The following MRTFA variants were observed in gnomAD, a reference collection of about 807,000 sequenced individuals.
MRTFA encodes the protein myocardin-related transcription factor A.
MRTFA carries 20 observed loss-of-function variants against 83.5 expected under a neutral mutation model. That is an observed-to-expected ratio of 0.24 (90% CI 0.17 to 0.35). The LOEUF (loss-of-function observed/expected upper bound fraction) is 0.35. Among genes scored for constraint, MRTFA ranks in the 10% least tolerant of loss-of-function variants. MRTFA has a pLI of 1.00. For missense variants in MRTFA, 1,200 were observed against 1,224.7 expected (o/e 0.98, Z 0.30); for synonymous variants, 659 against 541.2 (o/e 1.22, Z -3.02).
intron 1 of MRTFA, among the ~76,000 whole-genome samples, chr22:40,636,246 GCCCGCC>G (rs1569363235): frequency 6.6e-6 from 1 of 152,110 alleles, no homozygotes; most frequent in Non-Finnish European, 1.5e-5. Flanking sequence ...GCACGACCGC[GCCCGCC>G]CGCCCGGCCC....
chr22:40,422,783 A>G (rs555152527), intron 9 of MRTFA, among the ~76,000 whole-genome samples: 1 of 152,354 alleles, frequency 6.6e-6, no homozygotes, highest in South Asian at 2.1e-4. Flanking sequence ...CAGACAGCCC[A>G]GGCTGCAGAC....
intron 2 of MRTFA, among the ~76,000 whole-genome samples, chr22:40,591,069 A>T (rs1414798379): frequency 6.6e-6 from 1 of 152,160 alleles, no homozygotes; most frequent in Non-Finnish European, 1.5e-5. Context: ...TGGGAGGTGG[A>T]GGCTGCAGTG....
chr22:40,548,944 C>A (rs146858991), intron 3 of MRTFA, among the ~76,000 whole-genome samples: 2,685 of 151,604 alleles, frequency 0.018, 39 homozygotes, highest in Non-Finnish European at 0.027. Context: ...TATGACTTTT[C>A]TGGACACATT....
intron 1 of MRTFA, among the ~76,000 whole-genome samples, chr22:40,633,845 C>G (rs2147456812): frequency 6.6e-6 from 1 of 152,154 alleles, no homozygotes; most frequent in South Asian, 2.1e-4. Context: ...ACTTTCTAAC[C>G]TCTTTCATAT....
At chr22:40,497,809 T>C (rs2147214523) in intron 3 of MRTFA, among the ~76,000 whole-genome samples, 1 of 151,680 alleles carries the variant, frequency 6.6e-6, no homozygotes, top group African/African-American at 2.4e-5. Flanking sequence ...AGGCTACATA[T>C]GCCATAAACA....
intron 1 of MRTFA, among the ~76,000 whole-genome samples, chr22:40,631,443 G>A (rs2056640888): frequency 6.6e-6 from 1 of 152,074 alleles, no homozygotes. Flanking sequence ...TTTACAGCTA[G>A]TGAGTCACAG....
intron 1 of MRTFA, among the ~76,000 whole-genome samples, chr22:40,629,775 CAAAAAAAAA>C (rs766356425): frequency 5.0e-5 from 2 of 40,342 alleles, no homozygotes; most frequent in Non-Finnish European, 5.3e-5. Context: ...GATTCCATCT[CAAAAAAAAA>C]AAAAAAAAAA....
rs757518469 is a variant in MRTFA at position 40,431,396 on chromosome 22, T to C, written c.439+9A>G. The C allele has an allele frequency of 5.0e-6, 8 of 1,613,704 alleles. No individual in the cohort carries two copies. The highest frequency in any genetic ancestry group is 1.1e-5 in the South Asian group (1 of 91,078). ...GATCTAGATGGAAAAGCAATTCCAA[T>C]CTCCACACCTTCCAAAATGTGCATC... On this transcript the variant is annotated intron_variant, in intron 6 of 14. Coordinates refer to ENST00000355630, the MANE Select transcript of MRTFA (RefSeq NM_020831.6).
At chr22:40,547,866 AAAAAAG>A (rs1356632456) in intron 3 of MRTFA, among the ~76,000 whole-genome samples, 1 of 151,610 alleles carries the variant, frequency 6.6e-6, no homozygotes, top group African/African-American at 2.4e-5. Flanking sequence ...AAAAAAAAAA[AAAAAAG>A]AAAAAGAAAT....
intron 4 of MRTFA, among the ~76,000 whole-genome samples, chr22:40,450,046 T>C (rs1440100384): frequency 1.3e-5 from 2 of 152,236 alleles, no homozygotes; most frequent in Non-Finnish European, 2.9e-5. Context: ...CAGAAGAGGT[T>C]GGCTGTGTCA....
chr22:40,544,951 TAAAATAA>T (rs2055340314), intron 3 of MRTFA, among the ~76,000 whole-genome samples: 1 of 149,734 alleles, frequency 6.7e-6, no homozygotes, highest in African/African-American at 2.5e-5. Context: ...AATAAATAAA[TAAAATAA>T]ATATATATAT....
intron 3 of MRTFA, among the ~76,000 whole-genome samples, chr22:40,493,617 G>A (rs2054305117): frequency 1.3e-5 from 2 of 152,246 alleles, no homozygotes; most frequent in South Asian, 4.1e-4. Context: ...GCAAGAGCAT[G>A]TGGAGATTGT....
intron 3 of MRTFA, among the ~76,000 whole-genome samples, chr22:40,483,608 C>A (rs1285605254): frequency 1.3e-5 from 2 of 151,548 alleles, no homozygotes; most frequent in African/African-American, 4.9e-5. Context: ...TGGCATGAAC[C>A]CAGGAGGCAG....
At chr22:40,549,294 A>AT (rs1380390124) in intron 3 of MRTFA, among the ~76,000 whole-genome samples, 6 of 152,242 alleles carry the variant, frequency 3.9e-5, no homozygotes, top group Non-Finnish European at 8.8e-5. Flanking sequence ...CCATAGCAGC[A>AT]TAATTCATAA....
intron 2 of MRTFA, among the ~76,000 whole-genome samples, chr22:40,585,432 T>G (rs985765893): frequency 1.3e-5 from 2 of 152,122 alleles, no homozygotes; most frequent in African/African-American, 2.4e-5. Context: ...GGGACTTATT[T>G]GTTTAATGGG....
At chr22:40,577,235 T>TAAA (rs760829183) in intron 2 of MRTFA, among the ~76,000 whole-genome samples, 2 of 64,454 alleles carry the variant, frequency 3.1e-5, no homozygotes, top group African/African-American at 1.2e-4. Flanking sequence ...GACCCTTGTC[T>TAAA]AAAAAAAAAA....
intron 1 of MRTFA, among the ~76,000 whole-genome samples, chr22:40,604,491 G>A (rs1277104269): frequency 6.6e-6 from 1 of 151,668 alleles, no homozygotes; most frequent in African/African-American, 2.4e-5. Context: ...GCTCATGCCT[G>A]TAATCCCAGC....
chr22:40,533,748 A>G, intron 3 of MRTFA: 1 of 519,442 alleles, frequency 1.9e-6, no homozygotes, highest in Middle Eastern at 5.5e-4. Flanking sequence ...TTATGCTCAA[A>G]TCAGACTGTG....
chr22:40,631,945 G>A (rs192262226), intron 1 of MRTFA, among the ~76,000 whole-genome samples: 2 of 152,240 alleles, frequency 1.3e-5, no homozygotes, highest in Admixed American at 1.3e-4. Flanking sequence ...CAGCCTCCAA[G>A]ATGGCCCCCA....
Sources: allele counts gnomAD v4.1 joint callset (sites outside exome capture counted in the v4.1 genomes callset), GRCh38; gene constraint gnomAD v4.1.1; transcripts MANE v1.5; gene names NCBI Gene and HGNC (gene_info 2026-07-23, HGNC 2026-07-21).